The following PDE4D variants were observed in gnomAD, a reference collection of about 807,000 sequenced individuals.
PDE4D encodes phosphodiesterase 4D, also known as 3',5'-cyclic-AMP phosphodiesterase 4D.
In PDE4D, 24 loss-of-function variants were observed where a neutral mutation model predicts 87.4. That is an observed-to-expected ratio of 0.27 (90% CI 0.20 to 0.39). The LOEUF (loss-of-function observed/expected upper bound fraction) is 0.39. Ranked by LOEUF, PDE4D falls within the 10% of genes least tolerant of loss-of-function variation. The pLI, the probability that PDE4D is intolerant of heterozygous loss-of-function variation, is 1.00. For synonymous variants in PDE4D, 384 were observed against 383.2 expected, an observed-to-expected ratio of 1.00 and a Z score of -0.02; for missense variants, 714 against 1,041.0, an observed-to-expected ratio of 0.69 and a Z score of 4.32.
At chr5:59,195,525 G>A (rs1327516400) in intron 2 of PDE4D, among the ~76,000 whole-genome samples, 2 of 152,320 alleles carry the variant, frequency 1.3e-5, no homozygotes, top group African/African-American at 4.8e-5. Flanking sequence ...GGGTGGTAAC[G>A]AGCCAGGCAG....
chr5:60,263,819 A>G (rs137937272), intron 1 of PDE4D, among the ~76,000 whole-genome samples: 2,119 of 152,324 alleles, frequency 0.014, 24 homozygotes, highest in Middle Eastern at 0.034. Flanking sequence ...CCTGGAAAGA[A>G]AAGAAAATTC....
At chr5:60,192,451 A>G (rs1312946246) in intron 1 of PDE4D, among the ~76,000 whole-genome samples, 1 of 152,172 alleles carries the variant, frequency 6.6e-6, no homozygotes, top group African/African-American at 2.4e-5. Context: ...AAATATGGAA[A>G]GTGCTTTGTA....
chr5:60,157,549 G>A (rs1782084354), intron 2 of PDE4D, among the ~76,000 whole-genome samples: 1 of 152,160 alleles, frequency 6.6e-6, no homozygotes, highest in African/African-American at 2.4e-5. Context: ...TCTCCCTAAT[G>A]AAATATCACT....
chr5:59,160,073 A>G (rs1319976928), intron 5 of PDE4D, among the ~76,000 whole-genome samples: 1 of 152,216 alleles, frequency 6.6e-6, no homozygotes, highest in East Asian at 1.9e-4. Flanking sequence ...TACACCTTTA[A>G]GAGGTTAAGA....
chr5:59,784,768 C>G (rs906198900), intron 1 of PDE4D, among the ~76,000 whole-genome samples: 14 of 152,166 alleles, frequency 9.2e-5, no homozygotes, highest in African/African-American at 1.4e-4. Context: ...CTGTAGCTCT[C>G]ATGATTCCCA....
At chr5:60,203,996 T>C (rs1285788339) in intron 1 of PDE4D, among the ~76,000 whole-genome samples, 1 of 152,246 alleles carries the variant, frequency 6.6e-6, no homozygotes, top group Non-Finnish European at 1.5e-5. Context: ...GAAGTGAGCA[T>C]TAGTTTACAT....
chr5:59,551,534 C>T (rs939615222), intron 1 of PDE4D, among the ~76,000 whole-genome samples: 1 of 151,464 alleles, frequency 6.6e-6, no homozygotes, highest in Admixed American at 6.6e-5. Context: ...TATAGTCTAT[C>T]CAAATCAACT....
chr5:59,365,511 C>T (rs1782906452), intron 1 of PDE4D, among the ~76,000 whole-genome samples: 1 of 152,094 alleles, frequency 6.6e-6, no homozygotes, highest in South Asian at 2.1e-4. Context: ...TTTTTCAGAT[C>T]ATCAACATTA....
intron 1 of PDE4D, among the ~76,000 whole-genome samples, chr5:60,199,743 A>G (rs1741695277): frequency 6.6e-6 from 1 of 151,724 alleles, no homozygotes; most frequent in Admixed American, 6.6e-5. Context: ...TAGTATTAAA[A>G]TGGTCTTTCA....
chr5:59,935,951 T>C (rs950650220), intron 3 of PDE4D, among the ~76,000 whole-genome samples: 3 of 152,248 alleles, frequency 2.0e-5, no homozygotes, highest in Non-Finnish European at 4.4e-5. Flanking sequence ...GCATGTTTTA[T>C]AATCCTTTGG....
intron 11 of PDE4D, among the ~76,000 whole-genome samples, chr5:58,985,487 A>C (rs1417118893): frequency 6.6e-6 from 1 of 152,236 alleles, no homozygotes; most frequent in Non-Finnish European, 1.5e-5. Flanking sequence ...AAGAAGCAGG[A>C]GGATTAACTG....
chr5:60,324,705 T>C (rs1317893571), intron 1 of PDE4D, among the ~76,000 whole-genome samples: 2 of 152,154 alleles, frequency 1.3e-5, no homozygotes, highest in African/African-American at 4.8e-5. Context: ...CTTTCTGAAC[T>C]CAAATTCTGG....
At chr5:59,848,584 T>C (rs1397061446) in intron 1 of PDE4D, among the ~76,000 whole-genome samples, 2 of 152,032 alleles carry the variant, frequency 1.3e-5, no homozygotes, top group African/African-American at 4.8e-5. Flanking sequence ...TCTATGTATA[T>C]GTAGAAAATA....
At chr5:59,570,041 G>T (rs1821566416) in intron 1 of PDE4D, among the ~76,000 whole-genome samples, 1 of 152,222 alleles carries the variant, frequency 6.6e-6, no homozygotes, top group Non-Finnish European at 1.5e-5. Context: ...CGTGAATGAG[G>T]TTAGCACATT....
intron 1 of PDE4D, among the ~76,000 whole-genome samples, chr5:59,814,014 A>G (rs1768684262): frequency 6.6e-6 from 1 of 152,238 alleles, no homozygotes; most frequent in African/African-American, 2.4e-5. Flanking sequence ...TAAGAGATTC[A>G]TACGCCTTAG....
At chr5:59,171,083 T>C (rs948408209) in intron 5 of PDE4D, among the ~76,000 whole-genome samples, 1 of 152,130 alleles carries the variant, frequency 6.6e-6, no homozygotes, top group African/African-American at 2.4e-5. Flanking sequence ...GGTTTCACCA[T>C]GTTGGCCAGG....
At chr5:59,504,294 T>C (rs1808841596) in intron 1 of PDE4D, among the ~76,000 whole-genome samples, 1 of 152,214 alleles carries the variant, frequency 6.6e-6, no homozygotes, top group Non-Finnish European at 1.5e-5. Context: ...TATATACATA[T>C]GCACATTAAG....
intron 2 of PDE4D, among the ~76,000 whole-genome samples, chr5:59,993,537 A>T (rs1181640207): frequency 6.6e-6 from 1 of 152,154 alleles, no homozygotes; most frequent in Non-Finnish European, 1.5e-5. Context: ...ATTTTTATAA[A>T]ACAATAATAT....
At chr5:60,119,966 T>C (rs1050349290) in intron 2 of PDE4D, among the ~76,000 whole-genome samples, 2 of 152,152 alleles carry the variant, frequency 1.3e-5, no homozygotes, top group Admixed American at 6.5e-5. Flanking sequence ...GTAAAGAATA[T>C]GAGAAACTTC....
Sources: allele counts gnomAD v4.1 joint callset (sites outside exome capture counted in the v4.1 genomes callset), GRCh38; gene constraint gnomAD v4.1.1; transcripts MANE v1.5; gene names NCBI Gene and HGNC (gene_info 2026-07-23, HGNC 2026-07-21).